The following PPL variants were observed in gnomAD, a reference collection of about 807,000 sequenced individuals.
PPL encodes 190 kDa paraneoplastic pemphigus antigen.
A neutral mutation model predicts 194.4 loss-of-function variants in PPL; 198 were observed. The ratio of observed to expected loss-of-function variants is 1.02; its 90% confidence interval spans 0.91 to 1.15. The LOEUF (loss-of-function observed/expected upper bound fraction) is 1.15, where lower values mean the gene tolerates loss of function less well. Among genes scored for constraint, PPL ranks in the 50% most tolerant of loss-of-function variants. The probability of loss-of-function intolerance (pLI) is 0.00; values close to 1 mark genes in which losing one functional copy is unlikely to be tolerated. For missense variants in PPL, 2,885 were observed against 2,294.8 expected (o/e 1.26, Z -5.25); for synonymous variants, 1,220 against 972.4 (o/e 1.25, Z -4.74).
chr16:4,915,840 T>C (rs1409429793), intron 1 of PPL, among the ~76,000 whole-genome samples: 14 of 152,138 alleles, frequency 9.2e-5, no homozygotes, highest in Admixed American at 9.2e-4. Flanking sequence ...AAACTGAGGA[T>C]CAGAGAGGTT....
chr16:4,920,587 C>T (rs1299712207), intron 1 of PPL, among the ~76,000 whole-genome samples: 2 of 152,016 alleles, frequency 1.3e-5, no homozygotes, highest in South Asian at 2.1e-4. Flanking sequence ...CTCAGCCTCC[C>T]GAGTAGCTGG....
chr16:4,927,069 G>A (rs1408235385), intron 1 of PPL, among the ~76,000 whole-genome samples: 1 of 152,108 alleles, frequency 6.6e-6, no homozygotes, highest in South Asian at 2.1e-4. Context: ...GGGCACTATG[G>A]TGGAGTAGGT....
intron 1 of PPL, among the ~76,000 whole-genome samples, chr16:4,930,930 C>G (rs947000375): frequency 6.6e-6 from 1 of 152,108 alleles, no homozygotes; most frequent in African/African-American, 2.4e-5. Flanking sequence ...GAGGTATGGT[C>G]AGATTTATGT....
In PPL at chr16:4,902,028, G is replaced by A. The variant is rs1434393140; in HGVS notation, c.438+378C>T. ...CCCGGGACACCTAGCTGCAGTGGCT[G>A]TGTGCTTCTCTGTGGTGAGCACCCA... On this transcript the variant is annotated intron_variant, in intron 4 of 21. Coordinates refer to ENST00000345988, the MANE Select transcript of PPL (RefSeq NM_002705.5). This position sits in a 1 kb window ranked among gnomAD's most constrained non-coding sequence, Gnocchi z 4.0. Among the ~76,000 whole-genome samples the A allele has an allele frequency of 6.6e-6, 1 of 152,238 alleles. No individual in the cohort carries two copies. Among genetic ancestry groups the A allele is most frequent in the East Asian group, 1.9e-4 (1 of 5,198 alleles).
chr16:4,919,560 C>T (rs78575273), intron 1 of PPL, among the ~76,000 whole-genome samples: 9,746 of 152,196 alleles, frequency 0.064, 357 homozygotes, highest in Non-Finnish European at 0.073. Context: ...CACAATATGC[C>T]TGGCCAGCCA....
intron 21 of PPL, 121 bp downstream of exon 21, chr16:4,887,014 G>C (rs552669059): frequency 1.3e-5 from 11 of 836,782 alleles, no homozygotes; most frequent in South Asian, 8.8e-5. Context: ...CATTGGCCCT[G>C]CCCAGAAACG....
chr16:4,914,657 G>A (rs974060868), intron 1 of PPL, among the ~76,000 whole-genome samples: 2 of 152,198 alleles, frequency 1.3e-5, no homozygotes, highest in African/African-American at 4.8e-5. Context: ...CCTTGGTCAA[G>A]GCACTTAGGA....
chr16:4,910,955 G>A lies in PPL; in HGVS notation c.63-6C>T, dbSNP rs1229082531. On this transcript the variant is annotated splice_polypyrimidine_tract_variant and splice_region_variant and intron_variant, in intron 1 of 21. Coordinates refer to ENST00000345988, the MANE Select transcript of PPL (RefSeq NM_002705.5). ...AGAGCTCCTTGTTAGAGATGCTGCG[G>A]GCAGAAGCCGAGGGGAGATGGGCGG... is the stretch of plus-strand genomic sequence containing the variant. 6.2e-7 allele frequency: 1 copy of A among 1,610,324 alleles called. No homozygotes were observed. Among genetic ancestry groups the A allele is most frequent in the Non-Finnish European group, 8.5e-7 (1 of 1,179,486 alleles).
intron 1 of PPL, among the ~76,000 whole-genome samples, chr16:4,914,144 G>A (rs2088873241): frequency 6.6e-6 from 1 of 152,202 alleles, no homozygotes; most frequent in Admixed American, 6.5e-5. Flanking sequence ...GCCATAGAGA[G>A]AGGCAGGTCC....
At chr16:4,887,655 T>G (rs1239221493) in intron 20 of PPL, among the ~76,000 whole-genome samples, 2 of 152,214 alleles carry the variant, frequency 1.3e-5, no homozygotes, top group African/African-American at 4.8e-5. Flanking sequence ...CAGACTGAAG[T>G]GCCATGGTGT....
chr16:4,914,128 G>GGACACGC (rs2088872287), intron 1 of PPL, among the ~76,000 whole-genome samples: 2 of 152,204 alleles, frequency 1.3e-5, no homozygotes, highest in South Asian at 4.1e-4. Context: ...GCTCCAATGA[G>GGACACGC]GACACGCCAT....
intron 21 of PPL, 96 bp downstream of exon 21, chr16:4,887,039 C>T (rs2088229807): frequency 1.3e-5 from 14 of 1,065,374 alleles, no homozygotes; most frequent in Non-Finnish European, 2.0e-5. Context: ...CAAGGGGACA[C>T]TTCCATCAAT....
chr16:4,886,757 T>G (rs1206650668), intron 21 of PPL, among the ~76,000 whole-genome samples: 1 of 152,206 alleles, frequency 6.6e-6, no homozygotes, highest in African/African-American at 2.4e-5. Flanking sequence ...TAGCTGGGAT[T>G]ACAAGCATGC....
In PPL at chr16:4,892,154, G is replaced by A. The variant is rs780189514; in HGVS notation, c.1710C>T (p.Gly570=). The A allele has an allele frequency of 9.3e-6, 15 of 1,613,666 alleles. No homozygotes were observed. The highest frequency in any genetic ancestry group is 2.2e-5 in the South Asian group (2 of 91,084). Reference sequence around the variant, plus strand: ...CTGGGAGGGCCTGGATGAAGGCTTCGCCCTCAGCCGTGCTCCGCGTCTTCT... The same window carrying A: ...CTGGGAGGGCCTGGATGAAGGCTTCACCCTCAGCCGTGCTCCGCGTCTTCT... ...EPEKTRSTAE[G]EAFIQALPGS... The change falls in exon 15 of 22, where the codon GGC becomes GGT. Residue 570 remains glycine (G), a synonymous_variant. Transcript: ENST00000345988.
At chr16:4,919,062 C>A (rs931192638) in intron 1 of PPL, among the ~76,000 whole-genome samples, 2 of 152,214 alleles carry the variant, frequency 1.3e-5, no homozygotes, top group African/African-American at 4.8e-5. Context: ...CAAAGATATC[C>A]CCCCTCCCCA....
At chr16:4,920,580 A>C (rs887482565) in intron 1 of PPL, among the ~76,000 whole-genome samples, 4 of 152,068 alleles carry the variant, frequency 2.6e-5, no homozygotes, top group Non-Finnish European at 5.9e-5. Flanking sequence ...CTACTGCCTC[A>C]GCCTCCCGAG....
At position 4,884,297 on chromosome 16, in the gene PPL, G is replaced by C. The variant is rs753654745; in HGVS notation, c.4358C>G (p.Pro1453Arg). The change falls in exon 22 of 22, where the codon CCG becomes CGG. Residue 1453 changes from proline to arginine, a missense_variant. Physicochemically the swap from Pro to Arg is moderately radical, Grantham distance 103. Transcript: ENST00000345988. This position sits in a 1 kb window ranked among gnomAD's most constrained non-coding sequence, Gnocchi z 5.7. ...CAGGGCATGCTCTCGCGCCTGCTGCGGGTCCTGCTGCAGCACCACCTTCTG... is the reference window on the plus strand; with the variant it reads ...CAGGGCATGCTCTCGCGCCTGCTGCCGGTCCTGCTGCAGCACCACCTTCTG... Reference protein sequence around the residue: ...HTQKVVLQQDPQQAREHALLR... With the variant: ...HTQKVVLQQDRQQAREHALLR... 1.9e-6 allele frequency: 3 copies of C among 1,611,124 alleles called. No individual in the cohort carries two copies. In the Admixed American group the frequency reaches 5.0e-5, roughly 27 times the overall value.
At chr16:4,896,575 C>G (rs2088433181) in intron 9 of PPL, among the ~76,000 whole-genome samples, 1 of 151,816 alleles carries the variant, frequency 6.6e-6, no homozygotes, top group Non-Finnish European at 1.5e-5. Context: ...AGCAAGAAGA[C>G]CAAAGGTGAC....
intron 14 of PPL, 85 bp from the exon 15 acceptor site, chr16:4,892,298 C>A: frequency 7.1e-7 from 1 of 1,410,796 alleles, no homozygotes; most frequent in East Asian, 2.4e-5. Flanking sequence ...CACAGATTCC[C>A]ACATCAGGCA....
Sources: gnomAD v4.1 joint callset for allele counts (sites outside exome capture counted in the v4.1 genomes callset) on GRCh38, gnomAD v4.1.1 for gene constraint, Gnocchi (gnomAD v3.1) non-coding constraint, MANE v1.5 for transcripts, NCBI Gene and HGNC (gene_info 2026-07-23, HGNC 2026-07-21) for gene names.